TPTE2: variants seen among roughly 807,000 people sequenced by gnomAD.
TPTE2 encodes the protein phosphatidylinositol 3,4,5-trisphosphate 3-phosphatase TPTE2.
Under a neutral mutation model 78.6 loss-of-function variants are expected in TPTE2, and 53 were observed. That is an observed-to-expected ratio of 0.67 (90% CI 0.54 to 0.85). The LOEUF (loss-of-function observed/expected upper bound fraction) is 0.85, where lower values mean the gene tolerates loss of function less well. Ranked by LOEUF, TPTE2 falls within the 40% of genes least tolerant of loss-of-function variation. The pLI is 0.00. For missense variants in TPTE2, 461 were observed against 623.0 expected (o/e 0.74, Z 2.77); for synonymous variants, 175 against 206.2 (o/e 0.85, Z 1.30).
rs769629463 is a variant in TPTE2, at chr13:19,450,261, A to C, written c.884+2T>G. 6.2e-7 allele frequency: 1 copy of C among 1,611,270 alleles called. No individual in the cohort carries two copies. The highest frequency in any genetic ancestry group is 2.2e-5 in the East Asian group (1 of 44,764). On this transcript the variant is annotated splice_donor_variant, in intron 12 of 19. Coordinates refer to ENST00000400230, the Ensembl canonical transcript of TPTE2. LOFTEE classifies it high-confidence loss of function. The stretch of plus-strand genomic sequence containing the variant: ...TGATAGTCAATTTAGCATAAAACTT[A>C]CTGTAGAGTGGGGACATTATGATCA...
At chr13:19,441,988 G>A (rs1324152577) in intron 13 of TPTE2, among the ~76,000 whole-genome samples, 2 of 152,140 alleles carry the variant, frequency 1.3e-5, no homozygotes, top group Non-Finnish European at 2.9e-5. Context: ...GACTTCCAAG[G>A]TAAGGACAGA....
chr13:19,520,412 T>C (rs1870076906), intron 1 of TPTE2, among the ~76,000 whole-genome samples: 1 of 152,040 alleles, frequency 6.6e-6, no homozygotes, highest in Non-Finnish European at 1.5e-5. Context: ...TTCATAATCT[T>C]TACCAGATTA....
At chr13:19,497,011 C>A (rs1400803114) in intron 1 of TPTE2, among the ~76,000 whole-genome samples, 2 of 152,166 alleles carry the variant, frequency 1.3e-5, no homozygotes, top group African/African-American at 2.4e-5. Context: ...CAGGGAGTTC[C>A]CTTTCCGAGT....
In TPTE2 at chr13:19,535,744, G is replaced by T. The variant is rs186971903; in HGVS notation, c.-44+852C>A. ...CCTACCAGGTTCAAGTGATTCTCCTGCCTCAGCCTCCCAAGTAGCTGGGAC... is the reference window on the plus strand; with the variant it reads ...CCTACCAGGTTCAAGTGATTCTCCTTCCTCAGCCTCCCAAGTAGCTGGGAC... On this transcript the variant is annotated intron_variant, in intron 1 of 17. Coordinates refer to the TPTE2 transcript ENST00000390680. This position sits in a 1 kb window ranked among gnomAD's most constrained non-coding sequence, Gnocchi z 5.1. Among the ~76,000 whole-genome samples, 623 of 152,204 alleles carry T rather than the reference G, an allele frequency of 4.1e-3. 1 individual carries two copies. The highest frequency in any genetic ancestry group is 0.014 in the African/African-American group (599 of 41,522).
chr13:19,436,280 C>T (rs769509726), exon 15 of TPTE2: 20 of 1,613,204 alleles, frequency 1.2e-5, no homozygotes, highest in East Asian at 4.5e-5. Flanking sequence ...TATTGGTTCG[C>T]CTTTCTCCAA....
At chr13:19,558,993 GAA>G in the TPTE2 span, among the ~76,000 whole-genome samples, 19 of 152,054 alleles carry the variant, frequency 1.2e-4, no homozygotes, top group African/African-American at 4.3e-4. Context: ...TAGTACTTCT[GAA>G]AAAGTCTAGT....
chr13:19,449,055 C>A (rs1878015348), intron 13 of TPTE2, among the ~76,000 whole-genome samples: 1 of 152,176 alleles, frequency 6.6e-6, no homozygotes, highest in African/African-American at 2.4e-5. Flanking sequence ...TACTGCATGT[C>A]TCACTTATTT....
intron 10 of TPTE2, among the ~76,000 whole-genome samples, chr13:19,457,185 A>G (rs1878589223): frequency 6.6e-6 from 1 of 152,330 alleles, no homozygotes; most frequent in Non-Finnish European, 1.5e-5. Context: ...TCATAGACCA[A>G]TATATTGACA....
chr13:19,435,334 T>C (rs1038010265), intron 15 of TPTE2, among the ~76,000 whole-genome samples: 3 of 152,220 alleles, frequency 2.0e-5, no homozygotes, highest in African/African-American at 7.2e-5. Flanking sequence ...TTAAGAGTAC[T>C]TAAATGTCAT....
chr13:19,493,471 G>C, exon 2 of TPTE2: 1 of 1,613,656 alleles, frequency 6.2e-7, no homozygotes, highest in Non-Finnish European at 8.5e-7. Flanking sequence ...GTGCCTCCTC[G>C]GTTGTTCCTT....
chr13:19,489,634 ATATG>A, intron 3 of TPTE2, among the ~76,000 whole-genome samples: 1 of 150,348 alleles, frequency 6.7e-6, no homozygotes, highest in Middle Eastern at 3.6e-3. Flanking sequence ...ATATGTAGAC[ATATG>A]TATATAGATA....
At position 19,519,864 on chromosome 13, in the gene TPTE2, G is replaced by T. The variant is rs971940658; in HGVS notation, c.-43-16587C>A. The stretch of plus-strand genomic sequence containing the variant: ...CTGAGTTGAATATGTAGATCAATTT[G>T]TGGAGTGCTGTCATCTTAATAGTAA... On this transcript the variant is annotated intron_variant, in intron 1 of 17. Transcript: ENST00000390680. Among the ~76,000 whole-genome samples, 18 of 152,114 alleles carry T rather than the reference G, an allele frequency of 1.2e-4. 1 individual carries two copies. Among genetic ancestry groups the T allele is most frequent in the African/African-American group, 4.3e-4 (18 of 41,432 alleles).
At chr13:19,495,373 C>T (rs1336723211) in intron 1 of TPTE2, among the ~76,000 whole-genome samples, 1 of 152,202 alleles carries the variant, frequency 6.6e-6, no homozygotes, top group African/African-American at 2.4e-5. Flanking sequence ...CTATCTCCTT[C>T]TCGCTGCAAG....
At chr13:19,434,998 A>G (rs117373599) in intron 15 of TPTE2, among the ~76,000 whole-genome samples, 3,755 of 152,300 alleles carry the variant, frequency 0.025, 123 homozygotes, top group African/African-American at 0.072. Flanking sequence ...TGAGATAGTG[A>G]ATAGAGAACT....
chr13:19,480,743 G>T (rs1054742412), intron 4 of TPTE2, among the ~76,000 whole-genome samples: 4 of 152,276 alleles, frequency 2.6e-5, no homozygotes, highest in Non-Finnish European at 5.9e-5. Context: ...AGTGTTAAGT[G>T]TGGGGGGGAG....
the TPTE2 span, among the ~76,000 whole-genome samples, chr13:19,555,121 C>T: frequency 1.5e-3 from 223 of 152,312 alleles, no homozygotes; most frequent in Non-Finnish European, 2.5e-3. Flanking sequence ...CTATGCCTGA[C>T]GCTCTCTCAG....
chr13:19,539,912 A>T (rs1174614337), upstream of TPTE2, among the ~76,000 whole-genome samples: 1 of 152,182 alleles, frequency 6.6e-6, no homozygotes, highest in African/African-American at 2.4e-5. Context: ...TGGGAAGCCA[A>T]AGTGGGTGAA....
intron 1 of TPTE2, among the ~76,000 whole-genome samples, chr13:19,523,411 A>G (rs1459026960): frequency 2.0e-5 from 3 of 152,156 alleles, no homozygotes; most frequent in African/African-American, 7.2e-5. Flanking sequence ...TGAATAAAGG[A>G]ATTTTTGAAG....
intron 1 of TPTE2, among the ~76,000 whole-genome samples, chr13:19,518,864 G>C (rs1869967140): frequency 6.6e-6 from 1 of 152,164 alleles, no homozygotes. Flanking sequence ...AAAAACTAGA[G>C]AGATGGGTGA....
Sources: gnomAD v4.1 joint callset for allele counts (sites outside exome capture counted in the v4.1 genomes callset) on GRCh38, gnomAD v4.1.1 for gene constraint, Gnocchi (gnomAD v3.1) non-coding constraint, MANE v1.5 for transcripts, NCBI Gene and HGNC (gene_info 2026-07-23, HGNC 2026-07-21) for gene names.